The following NUP54 variants were observed in gnomAD, a reference collection of about 807,000 sequenced individuals.
NUP54 encodes the protein nucleoporin 54.
Under a neutral mutation model 66.4 loss-of-function variants are expected in NUP54, and 27 were observed. The observed-to-expected ratio is 0.41, with a 90% CI of 0.30 to 0.56. The LOEUF (loss-of-function observed/expected upper bound fraction) is 0.56, where lower values mean the gene tolerates loss of function less well. Among genes scored for constraint, NUP54 ranks in the 20% least tolerant of loss-of-function variants. The pLI is 0.34. For missense variants in NUP54, 486 were observed against 596.3 expected, an observed-to-expected ratio of 0.82 and a Z score of 1.93; for synonymous variants, 206 against 210.7, an observed-to-expected ratio of 0.98 and a Z score of 0.19.
At chr4:76,118,769 A>C (rs1226844220) in intron 9 of NUP54, among the ~76,000 whole-genome samples, 5 of 151,618 alleles carry the variant, frequency 3.3e-5, no homozygotes, top group Admixed American at 6.6e-5. Flanking sequence ...CTTTGGGAGG[A>C]CAAGGCGGGT....
At chr4:76,125,865 G>GGTGAGAGA (rs1730514861) in intron 8 of NUP54, among the ~76,000 whole-genome samples, 1 of 90,046 alleles carries the variant, frequency 1.1e-5, no homozygotes, top group Non-Finnish European at 2.1e-5. Flanking sequence ...GGAGGGGGAG[G>GGTGAGAGA]GAGAGAGAGA....
At chr4:76,137,153 G>A (rs769561838) in intron 3 of NUP54, among the ~76,000 whole-genome samples, 5 of 151,936 alleles carry the variant, frequency 3.3e-5, no homozygotes, top group Non-Finnish European at 5.9e-5. Flanking sequence ...ATGTGCACCT[G>A]GTTAATTTTT....
intron 4 of NUP54, among the ~76,000 whole-genome samples, chr4:76,135,327 A>G (rs1730992569): frequency 6.6e-6 from 1 of 152,222 alleles, no homozygotes; most frequent in Non-Finnish European, 1.5e-5. Flanking sequence ...TTAAAAAAGA[A>G]TTTAAATTAA....
intron 9 of NUP54, among the ~76,000 whole-genome samples, chr4:76,118,649 G>T (rs1292746968): frequency 6.7e-6 from 1 of 149,162 alleles, no homozygotes; most frequent in Non-Finnish European, 1.5e-5. Flanking sequence ...TCTAGCCTTG[G>T]CCTCCCAGAG....
chr4:76,135,192 ATAC>A, intron 4 of NUP54, among the ~76,000 whole-genome samples: 1 of 152,326 alleles, frequency 6.6e-6, no homozygotes, highest in African/African-American at 2.4e-5. Context: ...GGTTTATATA[ATAC>A]AAAACTTTAT....
rs990908179 is a variant in NUP54, at chr4:76,134,422, A to C, written c.523-60T>G. 35 of 1,320,234 alleles carry C rather than the reference A, an allele frequency of 2.7e-5. No homozygotes were observed. In the African/African-American group the frequency reaches 5.1e-4, roughly 19 times the overall value. 81.8% of individuals were successfully genotyped at this position (1,320,234 alleles called of 1,614,324 possible). Reference sequence around the variant, plus strand: ...TGTACAGATCTTAAATCAGGTGTTTAATATTAATAGCTTAATATCTGCTAA... The same window carrying C: ...TGTACAGATCTTAAATCAGGTGTTTCATATTAATAGCTTAATATCTGCTAA... On this transcript the variant is annotated intron_variant, in intron 4 of 11. Transcript: ENST00000264883.
chr4:76,120,608 T>A (rs1730192593), intron 9 of NUP54, among the ~76,000 whole-genome samples: 1 of 152,010 alleles, frequency 6.6e-6, no homozygotes, highest in African/African-American at 2.4e-5. Flanking sequence ...TTTGTATTTT[T>A]AGTAGAGTCG....
intron 8 of NUP54, among the ~76,000 whole-genome samples, chr4:76,125,079 C>T (rs1420476739): frequency 6.6e-6 from 1 of 151,988 alleles, no homozygotes; most frequent in Non-Finnish European, 1.5e-5. Context: ...TACTTAAGGT[C>T]AGGAGTTCAA....
intron 8 of NUP54, among the ~76,000 whole-genome samples, chr4:76,128,484 T>C (rs749087842): frequency 2.1e-4 from 31 of 144,770 alleles, no homozygotes; most frequent in Non-Finnish European, 4.1e-4. Context: ...ACAAAACAAA[T>C]AAATGGTAGG....
At chr4:76,147,810 T>G in intron 1 of NUP54, 1 of 384,742 alleles carries the variant, frequency 2.6e-6, no homozygotes. Flanking sequence ...GTGGGGCAGA[T>G]GGAAGAAGCA....
rs753557264 is a variant in NUP54, at chr4:76,148,384, G to A, written c.-10C>T. 1.3e-6 allele frequency: 2 copies of A among 1,526,500 alleles called. No homozygotes were observed. Among genetic ancestry groups the A allele is most frequent in the East Asian group, 2.5e-5 (1 of 39,392 alleles). The allele number at this position is 1,526,500 out of a possible 1,614,324, so 94.6% of individuals were successfully genotyped here. ...CAAAATTGAAGGCCATGTCGCGAAA[G>A]CAGGAGACCAAGTAGGTTACTCCTG... On this transcript the variant is annotated 5_prime_UTR_variant, in exon 1 of 12. Coordinates refer to ENST00000264883, the MANE Select transcript of NUP54 (RefSeq NM_017426.4).
At chr4:76,142,769 A>C (rs1241317761) in intron 3 of NUP54, among the ~76,000 whole-genome samples, 8 of 152,246 alleles carry the variant, frequency 5.3e-5, no homozygotes, top group Non-Finnish European at 8.8e-5. Context: ...GCACTGGCCA[A>C]AGATGTAACA....
At chr4:76,129,661 C>T (rs1416986768) in intron 8 of NUP54, among the ~76,000 whole-genome samples, 4 of 151,890 alleles carry the variant, frequency 2.6e-5, no homozygotes, top group South Asian at 2.1e-4. Flanking sequence ...GTCAGGAGAT[C>T]GAGACCATCC....
At chr4:76,147,901 C>T (rs1731577608) in intron 1 of NUP54, 2 of 283,812 alleles carry the variant, frequency 7.0e-6, no homozygotes, top group South Asian at 4.3e-5. Context: ...CGGTGGATCC[C>T]CAGCCCTATC....
intron 6 of NUP54, 75 bp from the exon 7 acceptor site, chr4:76,131,359 A>G: frequency 1.2e-6 from 1 of 832,046 alleles, no homozygotes; most frequent in Admixed American, 2.6e-5. Context: ...AGGCTTTCCT[A>G]AAGCAAGACC....
intron 9 of NUP54, among the ~76,000 whole-genome samples, chr4:76,120,501 C>T (rs1197188729): frequency 6.7e-6 from 1 of 149,830 alleles, no homozygotes; most frequent in Non-Finnish European, 1.5e-5. Context: ...GTGATCTTGG[C>T]TCACGGCAAC....
chr4:76,126,368 A>G (rs1440916347), intron 8 of NUP54, among the ~76,000 whole-genome samples: 6 of 152,230 alleles, frequency 3.9e-5, no homozygotes, highest in Non-Finnish European at 8.8e-5. Flanking sequence ...TACAAGAAAG[A>G]GGTTAAGATT....
chr4:76,125,344 A>ACGCGCGCGCG lies in NUP54; in HGVS notation c.1057-589_1057-588insCGCGCGCGCG, dbSNP rs1168484024. Among the ~76,000 whole-genome samples, 9 of 149,806 alleles carry ACGCGCGCGCG rather than the reference A, an allele frequency of 6.0e-5. No individual in the cohort carries two copies. In the East Asian group the frequency reaches 1.2e-3, roughly 21 times the overall value. ...CACACACACACACACACACACACACACACACACGGCTGGGCACAGTGGGTC... is the reference window on the plus strand; with the variant it reads ...CACACACACACACACACACACACACACGCGCGCGCGCACACACGGCTGGGCACAGTGGGTC... On this transcript the variant is annotated intron_variant, in intron 8 of 11. Transcript: ENST00000264883.
chr4:76,144,583 T>G, intron 1 of NUP54, 110 bp from the exon 2 acceptor site: 1 of 804,094 alleles, frequency 1.2e-6, no homozygotes. Flanking sequence ...AATATATTGA[T>G]CTAATTTTTC....
Sources: gnomAD v4.1 joint callset for allele counts (sites outside exome capture counted in the v4.1 genomes callset) on GRCh38, gnomAD v4.1.1 for gene constraint, MANE v1.5 for transcripts, NCBI Gene and HGNC (gene_info 2026-07-23, HGNC 2026-07-21) for gene names.